The following NXN variants were observed in gnomAD, a reference collection of about 807,000 sequenced individuals.
NXN encodes the protein nucleoredoxin.
A neutral mutation model predicts 48.6 loss-of-function variants in NXN; 16 were observed. That is an observed-to-expected ratio of 0.33 (90% CI 0.22 to 0.50). NXN has a LOEUF of 0.50. NXN is among the 20% of genes least tolerant of loss of function. The pLI is 0.98. For synonymous variants in NXN, 281 were observed against 269.6 expected (o/e 1.04, Z -0.41); for missense variants, 492 against 605.5 (o/e 0.81, Z 1.97).
Position 845,283 on chromosome 17 carries a change from G to A in NXN, c.361-19205C>T, listed in dbSNP as rs575757204. ...AATCACCCTTACAGACTCAACATCCGAGAGAGAATTCCACCCTTCTAAAAT... is the reference window on the plus strand; with the variant it reads ...AATCACCCTTACAGACTCAACATCCAAGAGAGAATTCCACCCTTCTAAAAT... On this transcript the variant is annotated intron_variant, in intron 1 of 7. Coordinates refer to ENST00000336868, the MANE Select transcript of NXN (RefSeq NM_022463.5). Among the ~76,000 whole-genome samples the A allele has an allele frequency of 4.6e-5, 7 of 151,166 alleles. No homozygotes were observed. The South Asian group carries it at 1.5e-3, about 32-fold the overall frequency.
Position 800,941 on chromosome 17 carries a change from G to C in NXN, c.*8C>G, listed in dbSNP as rs191862985. ...TTTTAAATAACGTCTCAGGAGGCCG[G>C]AGCCACGCTAGATGGGCTCCGGTTT... On this transcript the variant is annotated 3_prime_UTR_variant, in exon 8 of 8. Coordinates refer to ENST00000336868, the MANE Select transcript of NXN (RefSeq NM_022463.5). 183 of 1,435,610 alleles carry C rather than the reference G, an allele frequency of 1.3e-4. 1 individual carries two copies. The East Asian group carries it at 4.7e-3, about 37-fold the overall frequency. 88.9% of individuals were successfully genotyped at this position (1,435,610 alleles called of 1,614,324 possible).
chr17:939,331 T>A (rs1327228737), intron 1 of NXN, among the ~76,000 whole-genome samples: 1 of 149,854 alleles, frequency 6.7e-6, no homozygotes, highest in Non-Finnish European at 1.5e-5. Context: ...ACCACGTAAC[T>A]ATTAGAAATC....
Position 825,158 on chromosome 17 carries a change from C to T in NXN, c.478+803G>A, listed in dbSNP as rs560540315. ...AGTTGAGCTCAGGAGGTCGAGGCTG[C>T]AGTGAACCGGGATCATGCCACAGCA... On this transcript the variant is annotated intron_variant, in intron 2 of 7. Transcript: ENST00000336868. This position sits in a 1 kb window ranked among gnomAD's most constrained non-coding sequence, Gnocchi z 4.1. 4.8e-4 allele frequency among the ~76,000 whole-genome samples: 72 copies of T among 149,828 alleles called. No homozygotes were observed. Among genetic ancestry groups the T allele is most frequent in the African/African-American group, 1.7e-3 (69 of 40,754 alleles).
chr17:858,532 C>A (rs1013026606), intron 1 of NXN, among the ~76,000 whole-genome samples: 2 of 151,508 alleles, frequency 1.3e-5, no homozygotes, highest in Non-Finnish European at 1.5e-5. Flanking sequence ...TCGAGACCAT[C>A]CTGGCTAACA....
chr17:973,131 C>G (rs1284908855), intron 1 of NXN, among the ~76,000 whole-genome samples: 1 of 152,126 alleles, frequency 6.6e-6, no homozygotes, highest in African/African-American at 2.4e-5. Context: ...GAAGACAAAT[C>G]GATCAGCAAG....
At chr17:901,146 C>T (rs1048271283) in intron 1 of NXN, among the ~76,000 whole-genome samples, 4 of 152,060 alleles carry the variant, frequency 2.6e-5, no homozygotes, top group Non-Finnish European at 5.9e-5. Context: ...GTCTCGATCT[C>T]CTGACCTCAC....
chr17:812,004 T>A (rs531492188), intron 5 of NXN, among the ~76,000 whole-genome samples: 166 of 137,844 alleles, frequency 1.2e-3, no homozygotes, highest in Non-Finnish European at 1.9e-3. Context: ...CTCGGCTCAC[T>A]GCAAGCTCCG....
At chr17:962,169 G>A (rs369394493) in intron 1 of NXN, among the ~76,000 whole-genome samples, 56 of 152,190 alleles carry the variant, frequency 3.7e-4, no homozygotes, top group African/African-American at 9.6e-4. Flanking sequence ...TCAGGAAAAC[G>A]GGGGAGAGTT....
chr17:973,956 G>A (rs922876418), intron 1 of NXN, among the ~76,000 whole-genome samples: 1 of 151,974 alleles, frequency 6.6e-6, no homozygotes, highest in Non-Finnish European at 1.5e-5. Context: ...TGGGATGACA[G>A]GCGTGAGCCA....
intron 5 of NXN, among the ~76,000 whole-genome samples, chr17:811,372 G>A (rs1001073158): frequency 1.3e-5 from 2 of 152,370 alleles, no homozygotes; most frequent in Admixed American, 6.5e-5. Flanking sequence ...CGTGCTCCCT[G>A]GCAGCCGAGG....
intron 5 of NXN, among the ~76,000 whole-genome samples, chr17:812,804 GA>G (rs1348502770): frequency 1.3e-5 from 2 of 150,928 alleles, no homozygotes; most frequent in Admixed American, 1.3e-4. Flanking sequence ...GTGTGTGCGT[GA>G]GTGTAGGTGT....
At chr17:843,056 G>GCAAGCAAGCAAGC (rs1555613147) in intron 1 of NXN, among the ~76,000 whole-genome samples, 6 of 107,220 alleles carry the variant, frequency 5.6e-5, no homozygotes, top group African/African-American at 1.9e-4. Flanking sequence ...AAGAAAGAAA[G>GCAAGCAAGCAAGC]AAGGAAGAAA....
chr17:856,253 C>T (rs1263027547), intron 1 of NXN, among the ~76,000 whole-genome samples: 1 of 151,898 alleles, frequency 6.6e-6, no homozygotes, highest in Non-Finnish European at 1.5e-5. Context: ...GCATCATGGC[C>T]GAGGACAGAA....
At chr17:909,578 C>G (rs2068615294) in intron 1 of NXN, 1 of 149,240 alleles carries the variant, frequency 6.7e-6, no homozygotes, top group Non-Finnish European at 1.5e-5. Context: ...TTGCTCTGTC[C>G]CCCAGGCTGG....
intron 1 of NXN, among the ~76,000 whole-genome samples, chr17:970,005 C>T (rs2069354648): frequency 6.6e-6 from 1 of 152,148 alleles, no homozygotes; most frequent in Non-Finnish European, 1.5e-5. Flanking sequence ...ACGGATTGGA[C>T]AGAAGGAAGC....
chr17:939,832 C>T (rs530460619), intron 1 of NXN, among the ~76,000 whole-genome samples: 7 of 152,250 alleles, frequency 4.6e-5, no homozygotes, highest in Admixed American at 1.3e-4. Context: ...TTTTTGTATT[C>T]GATGATCCAT....
rs556369312 is a variant in NXN at position 829,239 on chromosome 17, C to T, written c.361-3161G>A. 7.9e-5 allele frequency among the ~76,000 whole-genome samples: 12 copies of T among 151,820 alleles called. No individual in the cohort carries two copies. In the East Asian group the frequency reaches 2.3e-3, roughly 29 times the overall value. On this transcript the variant is annotated intron_variant, in intron 1 of 7. Coordinates refer to ENST00000336868, the MANE Select transcript of NXN (RefSeq NM_022463.5). ...TGGCACGATCTTGGCTCACTGCAAC[C>T]TCTGCCTCCCGGGTTCAACGAATTC...
intron 1 of NXN, among the ~76,000 whole-genome samples, chr17:912,841 C>T (rs1419830431): frequency 6.6e-6 from 1 of 152,084 alleles, no homozygotes; most frequent in Non-Finnish European, 1.5e-5. Context: ...GTAATCCCAG[C>T]TACTCGGGAG....
chr17:861,759 T>C (rs896322656), intron 1 of NXN, among the ~76,000 whole-genome samples: 1 of 139,714 alleles, frequency 7.2e-6, no homozygotes, highest in Admixed American at 6.9e-5. Flanking sequence ...AGCAATAGAT[T>C]TTTTTTTTTT....
Sources: allele counts gnomAD v4.1 joint callset (sites outside exome capture counted in the v4.1 genomes callset), GRCh38; gene constraint gnomAD v4.1.1; non-coding constraint Gnocchi (gnomAD v3.1); transcripts MANE v1.5; gene names NCBI Gene and HGNC (gene_info 2026-07-23, HGNC 2026-07-21).